Variants in KCNQ1OT1 observed in about 807,000 individuals in gnomAD.
KCNQ1OT1 encodes KCNQ1 opposite strand/antisense transcript 1.
At chr11:2,629,738 G>A (rs1178081062) in exon 1 of KCNQ1OT1, 5 of 398,324 alleles carry the variant, frequency 1.3e-5, no homozygotes, top group Non-Finnish European at 2.2e-5. Flanking sequence ...TATTATTAGT[G>A]TATAGATACG....
At position 2,654,419 on chromosome 11, in the gene KCNQ1OT1, A is replaced by G. The variant is rs1388825283; in HGVS notation, n.45576T>C. On this transcript the variant is annotated non_coding_transcript_exon_variant, in exon 1 of 1. Transcript: ENST00000597346. This position sits in a 1 kb window ranked among gnomAD's most constrained non-coding sequence, Gnocchi z 6.4. ...CGCCTGTGCCAAACCCTGGGGAGAC[A>G]TGGGTGAGGCAGAAGGCAAGGTTCC... 1.0e-5 allele frequency: 4 copies of G among 398,494 alleles called. No homozygotes were observed. Among genetic ancestry groups the G allele is most frequent in the East Asian group, 7.1e-5 (2 of 28,086 alleles). The allele number at this position is 398,494 out of a possible 1,614,324, so 24.7% of individuals were successfully genotyped here. A position where few individuals can be genotyped will look rare whatever the true frequency, so the allele number is the denominator to read the frequency against.
In KCNQ1OT1 at chr11:2,663,987, G is replaced by A. The variant is rs973041857; in HGVS notation, n.36008C>T. 18 of 398,582 alleles carry A rather than the reference G, an allele frequency of 4.5e-5. No individual in the cohort carries two copies. Among genetic ancestry groups the A allele is most frequent in the Middle Eastern group, 6.2e-4 (1 of 1,610 alleles). The allele number at this position is 398,582 out of a possible 1,614,324, so 24.7% of individuals were successfully genotyped here. A position where few individuals can be genotyped will look rare whatever the true frequency, so the allele number is the denominator to read the frequency against. ...CTGAACATCCATCCCCAAGCTCTCT[G>A]CCCACTTTGGGTCTGGCACATTACC... On this transcript the variant is annotated non_coding_transcript_exon_variant, in exon 1 of 1. Transcript: ENST00000597346. The surrounding 1 kb of genome is among the most constrained non-coding windows in gnomAD (Gnocchi z 5.2).
chr11:2,614,979 G>A (rs1849037879), exon 1 of KCNQ1OT1: 1 of 398,252 alleles, frequency 2.5e-6, no homozygotes, highest in South Asian at 1.3e-4. Flanking sequence ...GTAGATCACT[G>A]GGTAATATCG....
At chr11:2,688,275 G>A (rs1850526408) in exon 1 of KCNQ1OT1, 1 of 398,752 alleles carries the variant, frequency 2.5e-6, no homozygotes, top group Non-Finnish European at 4.4e-6. Flanking sequence ...CATGACCTCT[G>A]TTTAGACAAG....
At position 2,662,589 on chromosome 11, in the gene KCNQ1OT1, G is replaced by A. The variant is rs371913401; in HGVS notation, n.37406C>T. 36 of 417,492 alleles carry A rather than the reference G, an allele frequency of 8.6e-5. No individual in the cohort carries two copies. The South Asian group carries it at 9.9e-4, about 12-fold the overall frequency. 25.9% of individuals were successfully genotyped at this position (417,492 alleles called of 1,614,324 possible). On this transcript the variant is annotated non_coding_transcript_exon_variant, in exon 1 of 1. Coordinates refer to ENST00000597346, the Ensembl canonical transcript of KCNQ1OT1. ...CACAGCTGGCCTGGGATGCATGCCC[G>A]TCCTCCCCCGCCGTCACGGCATGGC... is the stretch of plus-strand genomic sequence containing the variant.
chr11:2,635,388 CT>C (rs1321187799), exon 1 of KCNQ1OT1: 2 of 152,136 alleles, frequency 1.3e-5, no homozygotes, highest in South Asian at 4.1e-4. Flanking sequence ...CCAGTTTCAG[CT>C]TTCTACATAT....
At chr11:2,686,043 A>G (rs978506585) in exon 1 of KCNQ1OT1, 1 of 399,284 alleles carries the variant, frequency 2.5e-6, no homozygotes, top group African/African-American at 2.1e-5. Context: ...AGCTCGCACC[A>G]TCTGATGGGG....
chr11:2,661,698 G>A lies in KCNQ1OT1; in HGVS notation n.38297C>T. The A allele has an allele frequency of 1.7e-6, 1 of 605,208 alleles. No homozygotes were observed. The highest frequency in any genetic ancestry group is 1.9e-5 in the South Asian group (1 of 51,426). 37.5% of individuals were successfully genotyped at this position (605,208 alleles called of 1,614,324 possible). ...GAGGTGGGGAGAGTCTTGGACACCTGAGCACAGCCCCAGGCACAGTTACCA... is the reference window on the plus strand; with the variant it reads ...GAGGTGGGGAGAGTCTTGGACACCTAAGCACAGCCCCAGGCACAGTTACCA... On this transcript the variant is annotated non_coding_transcript_exon_variant, in exon 1 of 1. Transcript: ENST00000597346. This position sits in a 1 kb window ranked among gnomAD's most constrained non-coding sequence, Gnocchi z 5.9.
At position 2,624,469 on chromosome 11, in the gene KCNQ1OT1, T is replaced by A. The variant is rs187237625; in HGVS notation, n.75526A>T. The stretch of plus-strand genomic sequence containing the variant: ...TCTTTCATGAATCATGCCTTTGGTG[T>A]CATATCTAAAAAGCCATCACCAAAC... On this transcript the variant is annotated non_coding_transcript_exon_variant, in exon 1 of 1. Coordinates refer to ENST00000597346, the Ensembl canonical transcript of KCNQ1OT1. This position sits in a 1 kb window ranked among gnomAD's most constrained non-coding sequence, Gnocchi z 4.9. The A allele has an allele frequency of 2.5e-6, 1 of 398,504 alleles. No homozygotes were observed. Among genetic ancestry groups the A allele is most frequent in the East Asian group, 3.6e-5 (1 of 28,046 alleles). 24.7% of individuals were successfully genotyped at this position (398,504 alleles called of 1,614,324 possible).
Position 2,677,338 on chromosome 11 carries a change from T to A in KCNQ1OT1, n.22657A>T. 1 of 398,568 alleles carries A rather than the reference T, an allele frequency of 2.5e-6. No individual in the cohort carries two copies. Among genetic ancestry groups the A allele is most frequent in the Non-Finnish European group, 4.4e-6 (1 of 226,040 alleles). 24.7% of individuals were successfully genotyped at this position (398,568 alleles called of 1,614,324 possible). On this transcript the variant is annotated non_coding_transcript_exon_variant, in exon 1 of 1. Transcript: ENST00000597346. The surrounding 1 kb of genome is among the most constrained non-coding windows in gnomAD (Gnocchi z 4.5). ...AAATGATGTCAAATGATTTCTCAAA[T>A]AGAGACTGGGCAGAGTAGACCAGTT...
At position 2,687,224 on chromosome 11, in the gene KCNQ1OT1, AT is replaced by A. The variant is rs1462292623; in HGVS notation, n.12770del. 2.5e-6 allele frequency: 1 copy of A among 398,360 alleles called. No individual in the cohort carries two copies. The highest frequency in any genetic ancestry group is 2.1e-5 in the African/African-American group (1 of 48,566). The allele number at this position is 398,360 out of a possible 1,614,324, so 24.7% of individuals were successfully genotyped here. A position where few individuals can be genotyped will look rare whatever the true frequency, so the allele number is the denominator to read the frequency against. ...GCATCACACTGTTGGGAAATGTGCA[AT>A]TTTCACTCAGCCAGCATCACTACCA... On this transcript the variant is annotated non_coding_transcript_exon_variant, in exon 1 of 1. Transcript: ENST00000597346. This position sits in a 1 kb window ranked among gnomAD's most constrained non-coding sequence, Gnocchi z 5.0.
In KCNQ1OT1 at chr11:2,674,998, C is replaced by T. The variant is rs963200899; in HGVS notation, n.24997G>A. ...CCTCTTACAGTGGCGGGCACTCAGC[C>T]GGCTTCTTCCCGCCTGACTTCTCTG... On this transcript the variant is annotated non_coding_transcript_exon_variant, in exon 1 of 1. Coordinates refer to ENST00000597346, the Ensembl canonical transcript of KCNQ1OT1. The surrounding 1 kb of genome is among the most constrained non-coding windows in gnomAD (Gnocchi z 5.9). 4 of 398,472 alleles carry T rather than the reference C, an allele frequency of 1.0e-5. No individual in the cohort carries two copies. The highest frequency in any genetic ancestry group is 4.1e-5 in the African/African-American group (2 of 48,622). 24.7% of individuals were successfully genotyped at this position (398,472 alleles called of 1,614,324 possible). A position where few individuals can be genotyped will look rare whatever the true frequency, so the allele number is the denominator to read the frequency against.
Position 2,654,587 on chromosome 11 carries a change from C to T in KCNQ1OT1, n.45408G>A. 2.5e-6 allele frequency: 1 copy of T among 398,554 alleles called. No individual in the cohort carries two copies. Among genetic ancestry groups the T allele is most frequent in the East Asian group, 3.6e-5 (1 of 28,070 alleles). The allele number at this position is 398,554 out of a possible 1,614,324, so 24.7% of individuals were successfully genotyped here. A position where few individuals can be genotyped will look rare whatever the true frequency, so the allele number is the denominator to read the frequency against. On this transcript the variant is annotated non_coding_transcript_exon_variant, in exon 1 of 1. Coordinates refer to ENST00000597346, the Ensembl canonical transcript of KCNQ1OT1. This position sits in a 1 kb window ranked among gnomAD's most constrained non-coding sequence, Gnocchi z 6.4. ...TTTTAATCAATCAGGAGGGGAAGGG[C>T]AGGGGGTGAGTGGTTGGGTGAAGTT...
exon 1 of KCNQ1OT1, chr11:2,699,521 T>G (rs1176288243): frequency 7.1e-5 from 12 of 169,674 alleles, no homozygotes; most frequent in Non-Finnish European, 9.6e-5. Context: ...CCCAGGAGAG[T>G]GCCGCGCTGA....
exon 1 of KCNQ1OT1, chr11:2,662,028 G>A (rs1484770565): frequency 1.2e-6 from 2 of 1,614,210 alleles, no homozygotes; most frequent in South Asian, 2.2e-5. Context: ...GCTTCGCCGA[G>A]GACCTGGACC....
exon 1 of KCNQ1OT1, chr11:2,656,631 A>G (rs559018972): frequency 2.5e-6 from 1 of 398,306 alleles, no homozygotes; most frequent in East Asian, 3.6e-5. Context: ...AGTCATTTAT[A>G]TTTTTCCTAT....
chr11:2,653,086 G>A lies in KCNQ1OT1; in HGVS notation n.46909C>T, dbSNP rs919291972. 2.5e-6 allele frequency: 1 copy of A among 398,612 alleles called. No homozygotes were observed. Among genetic ancestry groups the A allele is most frequent in the Non-Finnish European group, 4.4e-6 (1 of 226,134 alleles). 24.7% of individuals were successfully genotyped at this position (398,612 alleles called of 1,614,324 possible). A position where few individuals can be genotyped will look rare whatever the true frequency, so the allele number is the denominator to read the frequency against. The stretch of plus-strand genomic sequence containing the variant: ...GCATCAAACATCCTCATACAGCAGG[G>A]TGTGGAGAGAGGCTCACTGAAGGTT... On this transcript the variant is annotated non_coding_transcript_exon_variant, in exon 1 of 1. Coordinates refer to ENST00000597346, the Ensembl canonical transcript of KCNQ1OT1. This position sits in a 1 kb window ranked among gnomAD's most constrained non-coding sequence, Gnocchi z 5.3.
Position 2,663,341 on chromosome 11 carries a change from G to T in KCNQ1OT1, n.36654C>A. ...AAGGCAGGAGCAGAGGTGTGAGCAG[G>T]CTGGTAGCCAGATGGGCTGCCCAGG... On this transcript the variant is annotated non_coding_transcript_exon_variant, in exon 1 of 1. Transcript: ENST00000597346. The surrounding 1 kb of genome is among the most constrained non-coding windows in gnomAD (Gnocchi z 5.2). The T allele has an allele frequency of 2.5e-6, 1 of 398,808 alleles. No individual in the cohort carries two copies. 24.7% of individuals were successfully genotyped at this position (398,808 alleles called of 1,614,324 possible).
At chr11:2,622,398 T>C (rs73415376) in exon 1 of KCNQ1OT1, 5,633 of 398,360 alleles carry the variant, frequency 0.014, 225 homozygotes, top group African/African-American at 0.096. Flanking sequence ...TTGTATGAAA[T>C]ATCATTTTTC....
Sources: gnomAD v4.1 joint callset for allele counts on GRCh38, gnomAD v4.1.1 for gene constraint, Gnocchi (gnomAD v3.1) non-coding constraint, MANE v1.5 for transcripts, NCBI Gene and HGNC (gene_info 2026-07-23, HGNC 2026-07-21) for gene names.